IRAK2: variants seen among roughly 807,000 people sequenced by gnomAD.
The protein encoded by IRAK2 is interleukin-1 receptor-associated kinase-like 2.
Under a neutral mutation model 72.0 loss-of-function variants are expected in IRAK2, and 57 were observed. That is an observed-to-expected ratio of 0.79 (90% CI 0.64 to 0.99). The LOEUF is 0.99. IRAK2 is among the 50% of genes least tolerant of loss of function. The pLI, the probability that IRAK2 is intolerant of heterozygous loss-of-function variation, is 0.00. For missense variants in IRAK2, 790 were observed against 794.4 expected (o/e 0.99, Z 0.07); for synonymous variants, 293 against 312.7 (o/e 0.94, Z 0.67).
intron 3 of IRAK2, among the ~76,000 whole-genome samples, chr3:10,205,736 A>G (rs1470263141): frequency 6.6e-6 from 1 of 152,236 alleles, no homozygotes; most frequent in East Asian, 1.9e-4. Context: ...TAGGGACTTC[A>G]TGGATATTAC....
chr3:10,167,087 C>T (rs1237413936), intron 1 of IRAK2, among the ~76,000 whole-genome samples: 2 of 148,428 alleles, frequency 1.3e-5, no homozygotes, highest in South Asian at 2.1e-4. Flanking sequence ...GAAGGCATAC[C>T]TATGACTTAA....
Position 10,242,440 on chromosome 3 carries a change from C to T in IRAK2, c.*212C>T. ...ACACAAAAATCCATGAAGTCTCTTC[C>T]TTTCTGGGCTTTGTTAGTCAGAGCA... On this transcript the variant is annotated 3_prime_UTR_variant, in exon 13 of 13. Coordinates refer to ENST00000256458, the MANE Select transcript of IRAK2 (RefSeq NM_001570.4). 1 of 366,692 alleles carries T rather than the reference C, an allele frequency of 2.7e-6. No homozygotes were observed. 22.7% of individuals were successfully genotyped at this position (366,692 alleles called of 1,614,324 possible).
chr3:10,224,268 C>T (rs1219569589), intron 9 of IRAK2, among the ~76,000 whole-genome samples: 1 of 149,276 alleles, frequency 6.7e-6, no homozygotes. Context: ...ACCTGGGAGG[C>T]AGAGGTTGCA....
chr3:10,200,244 T>C (rs562243729), intron 2 of IRAK2, 125 bp from the exon 3 acceptor site: 52 of 833,620 alleles, frequency 6.2e-5, no homozygotes, highest in Non-Finnish European at 9.4e-5. Context: ...CCTCCCGCCC[T>C]GCAACACCAT....
intron 6 of IRAK2, 140 bp downstream of exon 6, chr3:10,213,688 A>T (rs1697558777): frequency 3.0e-6 from 2 of 667,312 alleles, no homozygotes; most frequent in East Asian, 2.7e-5. Context: ...AGCTACTATT[A>T]TCACATTATT....
Position 10,235,458 on chromosome 3 carries a change from C to T in IRAK2, c.1473+799C>T, listed in dbSNP as rs146369859. Among the ~76,000 whole-genome samples, 97 of 152,208 alleles carry T rather than the reference C, an allele frequency of 6.4e-4. No individual in the cohort carries two copies. In the East Asian group the frequency reaches 8.5e-3, roughly 13 times the overall value. On this transcript the variant is annotated intron_variant, in intron 11 of 12. Transcript: ENST00000256458. ...AATTACAGGCATCAGCCGCTCTGTC[C>T]GGCCTTGCTTGGTCTTTCTAAGGAC...
intron 2 of IRAK2, among the ~76,000 whole-genome samples, chr3:10,190,385 A>G (rs781009581): frequency 6.7e-6 from 1 of 150,130 alleles, no homozygotes; most frequent in Non-Finnish European, 1.5e-5. Context: ...GACTCAAGCA[A>G]TTATCCTGCC....
chr3:10,226,299 A>G (rs1396802673), intron 9 of IRAK2, 72 bp from the exon 10 acceptor site: 1 of 1,283,380 alleles, frequency 7.8e-7, no homozygotes, highest in Non-Finnish European at 1.1e-6. Context: ...CTGAGAAGAG[A>G]AGACAGAATC....
intron 3 of IRAK2, among the ~76,000 whole-genome samples, chr3:10,201,999 G>A (rs946916554): frequency 3.9e-5 from 6 of 152,180 alleles, no homozygotes; most frequent in African/African-American, 4.8e-5. Context: ...ATTTCATCAC[G>A]TTGTGGTAAG....
intron 5 of IRAK2, 38 bp downstream of exon 5, chr3:10,213,439 C>T (rs1697554886): frequency 6.2e-7 from 1 of 1,609,292 alleles, no homozygotes; most frequent in Non-Finnish European, 8.5e-7. Context: ...GTGGAGGCTG[C>T]AGGGGTGGGG....
At chr3:10,165,091 G>T (rs1291326751) in intron 1 of IRAK2, 43 bp downstream of exon 1, 9 of 1,540,122 alleles carry the variant, frequency 5.8e-6, no homozygotes, top group Non-Finnish European at 7.1e-6. Context: ...GGCGACCGGA[G>T]CCCCCAGCGA....
intron 2 of IRAK2, among the ~76,000 whole-genome samples, chr3:10,181,124 G>A (rs185933634): frequency 2.6e-5 from 4 of 152,064 alleles, no homozygotes; most frequent in Non-Finnish European, 5.9e-5. Flanking sequence ...CCTGCTGGCT[G>A]CCTCCCTAAG....
At chr3:10,218,016 C>T (rs1432584332) in intron 7 of IRAK2, among the ~76,000 whole-genome samples, 1 of 152,168 alleles carries the variant, frequency 6.6e-6, no homozygotes. Flanking sequence ...AATGTCAGGC[C>T]AGAGCTTACA....
chr3:10,235,645 AC>A (rs927201235), intron 11 of IRAK2, among the ~76,000 whole-genome samples: 1 of 152,078 alleles, frequency 6.6e-6, no homozygotes, highest in Non-Finnish European at 1.5e-5. Context: ...CGGACCAGAC[AC>A]CCACTTTTGA....
intron 8 of IRAK2, among the ~76,000 whole-genome samples, chr3:10,220,005 G>C (rs2302859): frequency 0.69 from 105,316 of 152,066 alleles, 37,704 homozygotes; most frequent in Non-Finnish European, 0.77. Context: ...TTGCTCTCAG[G>C]ATGAATTGCC....
At chr3:10,200,322 C>T (rs751594730) in intron 2 of IRAK2, 47 bp from the exon 3 acceptor site, 4 of 1,509,980 alleles carry the variant, frequency 2.6e-6, no homozygotes, top group South Asian at 1.3e-5. Context: ...TCAATGGCTA[C>T]CCCACTTCAT....
At chr3:10,226,560 C>A in intron 10 of IRAK2, 127 bp downstream of exon 10, 1 of 693,048 alleles carries the variant, frequency 1.4e-6, no homozygotes, top group Non-Finnish European at 2.5e-6. Context: ...GTTGCATTTG[C>A]ATCCCCACAA....
At chr3:10,184,645 T>TGTC (rs1697017157) in intron 2 of IRAK2, among the ~76,000 whole-genome samples, 1 of 151,272 alleles carries the variant, frequency 6.6e-6, no homozygotes, top group Admixed American at 6.6e-5. Context: ...GGTAGTTACT[T>TGTC]GTCTATAGCA....
intron 2 of IRAK2, among the ~76,000 whole-genome samples, chr3:10,183,313 C>T (rs780950038): frequency 7.2e-5 from 11 of 152,158 alleles, no homozygotes; most frequent in African/African-American, 9.7e-5. Context: ...CAGTGGCTGC[C>T]TGGTCTGAAT....
Sources: allele counts gnomAD v4.1 joint callset (sites outside exome capture counted in the v4.1 genomes callset), GRCh38; gene constraint gnomAD v4.1.1; transcripts MANE v1.5; gene names NCBI Gene and HGNC (gene_info 2026-07-23, HGNC 2026-07-21).